The following MYO15A variants were observed in gnomAD, a reference collection of about 807,000 sequenced individuals.
MYO15A encodes unconventional myosin-XV.
A neutral mutation model predicts 394.6 loss-of-function variants in MYO15A; 308 were observed. The ratio of observed to expected loss-of-function variants is 0.78; its 90% CI spans 0.71 to 0.86. The LOEUF is 0.86. Ranked by LOEUF, MYO15A falls within the 40% of genes least tolerant of loss-of-function variation. The pLI is 0.00. For synonymous variants in MYO15A, 1,957 were observed against 2,003.8 expected, an observed-to-expected ratio of 0.98 and a Z score of 0.62; for missense variants, 4,606 against 4,799.1, an observed-to-expected ratio of 0.96 and a Z score of 1.19.
Position 18,163,287 on chromosome 17 carries a change from G to T in MYO15A, c.9656G>T (p.Gly3219Val). ...AGGCAACTCTTTCTTCTTCCTGGAGGCCTTGAACGCCATCTCAAAATCAAA... is the reference window on the plus strand; with the variant it reads ...AGGCAACTCTTTCTTCTTCCTGGAGTCCTTGAACGCCATCTCAAAATCAAA... Reference protein sequence around the residue: ...SKRQLFLLPGGLERHLKIKTC... With the variant: ...SKRQLFLLPGVLERHLKIKTC... The change falls in exon 59 of 66, where the codon GGC becomes GTC. Residue 3219 changes from glycine to valine, a missense_variant. By Grantham distance (109) the Gly-to-Val change is moderately radical (BLOSUM62 -3). Transcript: ENST00000647165. 6.2e-7 allele frequency: 1 copy of T among 1,614,190 alleles called. No homozygotes were observed. The highest frequency in any genetic ancestry group is 1.3e-5 in the African/African-American group (1 of 75,042).
At position 18,157,197 on chromosome 17, in the gene MYO15A, C is replaced by A. The variant is rs1312965648; in HGVS notation, c.8755C>A (p.Leu2919Met). The A allele has an allele frequency of 5.6e-6, 9 of 1,610,044 alleles. No homozygotes were observed. Among genetic ancestry groups the A allele is most frequent in the Non-Finnish European group, 7.6e-6 (9 of 1,178,320 alleles). ...CGTGGTTCGCAGGAAGGTGGTGTACCTGGAGGAGCTGCGACGTAGAGGCCC... is the reference window on the plus strand; with the variant it reads ...CGTGGTTCGCAGGAAGGTGGTGTACATGGAGGAGCTGCGACGTAGAGGCCC... ...GCVVRRKVVY[L>M]EELRRRGPDF... Residue 2919 changes from leucine to methionine, a missense_variant, in exon 50 of 66, where the codon CTG (leucine) becomes ATG (methionine). By Grantham distance (15) the Leu-to-Met change is conservative. This residue lies in a region of MYO15A where 2,776 missense variants were observed against 3,109.3 expected (regional missense o/e 0.89). Transcript: ENST00000647165.
chr17:18,136,623 C>T lies in MYO15A; in HGVS notation c.4716C>T (p.Asn1572=), dbSNP rs775418697. 1.9e-5 allele frequency: 31 copies of T among 1,613,750 alleles called. No homozygotes were observed. The highest frequency in any genetic ancestry group is 1.7e-4 in the African/African-American group (13 of 75,064). ...TCAGCTGGCTCATCACCAGGGTCAA[C>T]GCGCTGGTGTCCCCAAGGCAGGACA... is the stretch of plus-strand genomic sequence containing the variant. ...LLFSWLITRV[N]ALVSPRQDTL... Residue 1572 remains asparagine (N), a synonymous_variant, in exon 15 of 66, where the codon AAC becomes AAT. Transcript: ENST00000647165.
At chr17:18,160,130 C>T in intron 56 of MYO15A, 113 bp downstream of exon 56, 2 of 954,210 alleles carry the variant, frequency 2.1e-6, no homozygotes, top group Non-Finnish European at 3.3e-6. Flanking sequence ...ATCTTCCTCT[C>T]ACCCTCATCC....
At chr17:18,164,101 G>A (rs1255005784) in intron 60 of MYO15A, 3 of 527,014 alleles carry the variant, frequency 5.7e-6, no homozygotes, top group African/African-American at 1.9e-5. Context: ...CATGCTCAAT[G>A]TGAGGACACA....
At chr17:18,154,576 A>G in intron 44 of MYO15A, 104 bp from the exon 45 acceptor site, 1 of 1,226,958 alleles carries the variant, frequency 8.2e-7, no homozygotes, top group Non-Finnish European at 1.2e-6. Context: ...CCACTGCTGC[A>G]AAATGGGACC....
chr17:18,160,261 T>C (rs192724542), intron 56 of MYO15A, among the ~76,000 whole-genome samples: 6 of 152,352 alleles, frequency 3.9e-5, no homozygotes, highest in Admixed American at 3.9e-4. Context: ...AGATTCTTAG[T>C]TGCAAGTGAC....
At chr17:18,115,575 A>C (rs2045773577) in intron 1 of MYO15A, among the ~76,000 whole-genome samples, 1 of 151,908 alleles carries the variant, frequency 6.6e-6, no homozygotes. Flanking sequence ...CCAAGATCGC[A>C]CCATCGCACT....
chr17:18,154,974 G>A, intron 45 of MYO15A, 136 bp from the exon 46 acceptor site: 2 of 984,978 alleles, frequency 2.0e-6, no homozygotes, highest in Non-Finnish European at 3.1e-6. Context: ...TCCATTTCTG[G>A]GTTTCAGTTT....
Position 18,153,977 on chromosome 17 carries a change from C to G in MYO15A, c.8088+81C>G. On this transcript the variant is annotated intron_variant, in intron 43 of 65. Coordinates refer to ENST00000647165, the MANE Select transcript of MYO15A (RefSeq NM_016239.4). This position sits in a 1 kb window ranked among gnomAD's most constrained non-coding sequence, Gnocchi z 4.1. ...GAAGCGAGCAGAGGAGGGTCTAGGA[C>G]TTGGGGAGGGAGCCCAGGAGGACAG... The G allele has an allele frequency of 6.2e-7, 1 of 1,608,668 alleles. No individual in the cohort carries two copies. Among genetic ancestry groups the G allele is most frequent in the Non-Finnish European group, 8.5e-7 (1 of 1,176,786 alleles).
intron 23 of MYO15A, 123 bp from the exon 24 acceptor site, chr17:18,141,956 C>G (rs2046390068): frequency 1.5e-6 from 2 of 1,322,720 alleles, no homozygotes; most frequent in African/African-American, 2.9e-5. Flanking sequence ...CCACCCCATC[C>G]CTCCAGCCCC....
intron 16 of MYO15A, chr17:18,137,911 C>A: frequency 1.2e-6 from 1 of 854,826 alleles, no homozygotes; most frequent in Non-Finnish European, 1.8e-6. Context: ...CCTTCTTCTC[C>A]TCTACTGGGC....
chr17:18,162,759 G>A, intron 58 of MYO15A, 80 bp downstream of exon 58: 2 of 1,459,454 alleles, frequency 1.4e-6, no homozygotes. Context: ...CAGCACTTTG[G>A]GAGGCTGAGG....
chr17:18,160,726 C>T lies in MYO15A; in HGVS notation c.9387-591C>T, dbSNP rs1597813382. ...TCCCAAAGGAAGCCCAAGTGTTGTTCCCAGACACCAGATATCCCTACAAAT... is the reference window on the plus strand; with the variant it reads ...TCCCAAAGGAAGCCCAAGTGTTGTTTCCAGACACCAGATATCCCTACAAAT... On this transcript the variant is annotated intron_variant, in intron 56 of 65. Transcript: ENST00000647165. 3 of 203,384 alleles carry T rather than the reference C, an allele frequency of 1.5e-5. No homozygotes were observed. In the East Asian group the frequency reaches 3.5e-4, roughly 24 times the overall value. The allele number at this position is 203,384 out of a possible 1,614,324, so 12.6% of individuals were successfully genotyped here.
chr17:18,118,356 G>A (rs569292873), intron 1 of MYO15A, among the ~76,000 whole-genome samples: 2 of 152,296 alleles, frequency 1.3e-5, no homozygotes, highest in African/African-American at 4.8e-5. Context: ...AGGGCAGGTG[G>A]CATTCCATCT....
rs1035387193 is a variant in MYO15A, at chr17:18,120,345, C to G, written c.1545C>G (p.Asp515Glu). Reference protein sequence around the residue: ...LPLGDADEEEDEEELPPVSAV... With the variant: ...LPLGDADEEEEEEELPPVSAV... ...TGGGGGATGCGGACGAAGAAGAGGA[C>G]GAGGAGGAGCTGCCCCCGGTTTCCG... Residue 515 changes from aspartate to glutamate, a missense_variant, in exon 2 of 66, where the codon GAC (aspartate) becomes GAG (glutamate). By Grantham distance (45) the Asp-to-Glu change is conservative. This residue lies in a region of MYO15A where 1,830 missense variants were observed against 1,689.7 expected (regional missense o/e 1.08). Transcript: ENST00000647165. 1.7e-5 allele frequency: 27 copies of G among 1,612,136 alleles called. No individual in the cohort carries two copies. Among genetic ancestry groups the G allele is most frequent in the Non-Finnish European group, 1.9e-5 (23 of 1,179,966 alleles).
chr17:18,120,051 C>G lies in MYO15A; in HGVS notation c.1251C>G (p.Pro417=), dbSNP rs758898599. Residue 417 remains proline, a synonymous_variant, in exon 2 of 66, where the codon CCC becomes CCG. Transcript: ENST00000647165. ...TTGTGTACCCCTGGGTACCACCGCC[C>G]ATCCCGTCGCCCCACAACCCGTATG... ...SAFVYPWVPP[P]IPSPHNPYAH... 3.7e-6 allele frequency: 6 copies of G among 1,613,518 alleles called. No homozygotes were observed. Among genetic ancestry groups the G allele is most frequent in the Non-Finnish European group, 4.2e-6 (5 of 1,179,978 alleles).
rs2046571242 is a variant in MYO15A at position 18,150,980 on chromosome 17, C to T, written c.7473+67C>T. 16 of 1,607,166 alleles carry T rather than the reference C, an allele frequency of 1.0e-5. No individual in the cohort carries two copies. The highest frequency in any genetic ancestry group is 9.3e-6 in the Non-Finnish European group (11 of 1,177,670). On this transcript the variant is annotated intron_variant, in intron 38 of 65. Coordinates refer to ENST00000647165, the MANE Select transcript of MYO15A (RefSeq NM_016239.4). The surrounding 1 kb of genome is among the most constrained non-coding windows in gnomAD (Gnocchi z 4.4). The stretch of plus-strand genomic sequence containing the variant: ...ACAAGCTGTAAAGAGGAATGCTGTG[C>T]TGCTCCAGGGCACTATTGTGCCTCT...
chr17:18,154,093 G>A, intron 43 of MYO15A, 38 bp from the exon 44 acceptor site: 3 of 1,612,312 alleles, frequency 1.9e-6, no homozygotes, highest in Non-Finnish European at 1.7e-6. Flanking sequence ...AGGCCAGGGG[G>A]CAGTCGGACA....
rs902265805 is a variant in MYO15A, at chr17:18,132,360, G to A, written c.4207-93G>A. 1.0e-6 allele frequency: 1 copy of A among 961,154 alleles called. No individual in the cohort carries two copies. The highest frequency in any genetic ancestry group is 2.4e-5 in the East Asian group (1 of 41,282). 59.5% of individuals were successfully genotyped at this position (961,154 alleles called of 1,614,324 possible). A position where few individuals can be genotyped will look rare whatever the true frequency, so the allele number is the denominator to read the frequency against. ...CTCATCTGCAGCCCACTGTGTGCATGTGCACTTGTGGGCAGGCTTGGGCTT... is the reference window on the plus strand; with the variant it reads ...CTCATCTGCAGCCCACTGTGTGCATATGCACTTGTGGGCAGGCTTGGGCTT... On this transcript the variant is annotated intron_variant, in intron 10 of 65. Transcript: ENST00000647165. This position sits in a 1 kb window ranked among gnomAD's most constrained non-coding sequence, Gnocchi z 4.6.
Sources: allele counts gnomAD v4.1 joint callset (sites outside exome capture counted in the v4.1 genomes callset), GRCh38; gene constraint gnomAD v4.1.1; regional missense constraint gnomAD v4.1.1; non-coding constraint Gnocchi (gnomAD v3.1); transcripts MANE v1.5; gene names NCBI Gene and HGNC (gene_info 2026-07-23, HGNC 2026-07-21).